The following RAB3GAP2 variants were observed in gnomAD, a reference collection of about 807,000 sequenced individuals.
The protein encoded by RAB3GAP2 is RAB3 GTPase activating non-catalytic protein subunit 2.
RAB3GAP2 carries 87 observed loss-of-function variants against 185.3 expected under a neutral mutation model. The observed-to-expected ratio is 0.47, with a 90% confidence interval of 0.39 to 0.56. RAB3GAP2 has a LOEUF of 0.56. Ranked by LOEUF, RAB3GAP2 falls within the 20% of genes least tolerant of loss-of-function variation. The pLI is 0.00. For missense variants in RAB3GAP2, 1,492 were observed against 1,638.2 expected, an observed-to-expected ratio of 0.91 and a Z score of 1.54; for synonymous variants, 554 against 576.1, an observed-to-expected ratio of 0.96 and a Z score of 0.55.
At chr1:220,249,978 C>T (rs1291447086) in intron 1 of RAB3GAP2, among the ~76,000 whole-genome samples, 2 of 152,194 alleles carry the variant, frequency 1.3e-5, no homozygotes, top group African/African-American at 4.8e-5. Context: ...AATGGAGAAC[C>T]TTTGCTAGGG....
chr1:220,229,178 C>G (rs1659454787), intron 2 of RAB3GAP2, among the ~76,000 whole-genome samples: 1 of 151,938 alleles, frequency 6.6e-6, no homozygotes, highest in African/African-American at 2.4e-5. Flanking sequence ...AGTGGCACAT[C>G]AAAATGAAAT....
chr1:220,212,438 TAGGA>T (rs1194686798), intron 4 of RAB3GAP2, among the ~76,000 whole-genome samples: 1 of 152,170 alleles, frequency 6.6e-6, no homozygotes, highest in East Asian at 1.9e-4. Context: ...CCTATAAAGT[TAGGA>T]TACATATACA....
chr1:220,238,435 C>T (rs1659634473), intron 1 of RAB3GAP2, among the ~76,000 whole-genome samples: 1 of 152,192 alleles, frequency 6.6e-6, no homozygotes, highest in Non-Finnish European at 1.5e-5. Flanking sequence ...CCAGTTTTAC[C>T]TTCTAAAGAG....
rs376662797 is a variant in RAB3GAP2, at chr1:220,204,216, T to C, written c.712+1691A>G. 5.3e-5 allele frequency among the ~76,000 whole-genome samples: 8 copies of C among 152,302 alleles called. No individual in the cohort carries two copies. In the East Asian group the frequency reaches 1.2e-3, roughly 22 times the overall value. On this transcript the variant is annotated intron_variant, in intron 8 of 34. Coordinates refer to ENST00000358951, the MANE Select transcript of RAB3GAP2 (RefSeq NM_012414.4). ...CTCTGTCTTTTTTAGCAGGTTGGTA[T>C]GATTGGCAAAAATTCTGATGTCTTG...
chr1:220,271,959 G>T (rs1660343098), intron 1 of RAB3GAP2, among the ~76,000 whole-genome samples: 1 of 151,474 alleles, frequency 6.6e-6, no homozygotes, highest in South Asian at 2.1e-4. Context: ...GCGGTGATAG[G>T]CAGAGGCGAG....
intron 21 of RAB3GAP2, among the ~76,000 whole-genome samples, chr1:220,175,253 G>A (rs185436497): frequency 1.3e-5 from 2 of 151,716 alleles, no homozygotes; most frequent in East Asian, 1.9e-4. Context: ...TTGAGACAGA[G>A]TCTCACTCTG....
intron 31 of RAB3GAP2, among the ~76,000 whole-genome samples, chr1:220,155,954 CTT>C (rs548137265): frequency 1.5e-4 from 22 of 144,466 alleles, no homozygotes; most frequent in Admixed American, 4.9e-4. Context: ...AAAATCTATA[CTT>C]TTTTTTTTTT....
chr1:220,193,919 G>T (rs1658672887), intron 12 of RAB3GAP2, among the ~76,000 whole-genome samples: 1 of 152,116 alleles, frequency 6.6e-6, no homozygotes, highest in African/African-American at 2.4e-5. Flanking sequence ...AACTAGGAAA[G>T]CTCATTTAGA....
At chr1:220,181,435 A>G (rs1571886207) in intron 21 of RAB3GAP2, among the ~76,000 whole-genome samples, 5 of 152,286 alleles carry the variant, frequency 3.3e-5, no homozygotes, top group Admixed American at 3.3e-4. Context: ...AACAAAGAAG[A>G]ACAAGGAAGA....
rs1330095695 is a variant in RAB3GAP2, at chr1:220,211,015, A to T, written c.387-13T>A. 1 of 1,611,524 alleles carries T rather than the reference A, an allele frequency of 6.2e-7. No homozygotes were observed. The highest frequency in any genetic ancestry group is 1.7e-5 in the Admixed American group (1 of 59,964). The stretch of plus-strand genomic sequence containing the variant: ...GGTTACACATTCCCTAAAAACAAAA[A>T]CAAAATCATATGCTTACCCACTGAA... On this transcript the variant is annotated splice_polypyrimidine_tract_variant and intron_variant, in intron 4 of 34. Transcript: ENST00000358951.
chr1:220,215,300 C>T (rs1265979354), intron 2 of RAB3GAP2, among the ~76,000 whole-genome samples: 1 of 152,202 alleles, frequency 6.6e-6, no homozygotes, highest in African/African-American at 2.4e-5. Context: ...CTGTGCCCCA[C>T]ACATGTTGTA....
chr1:220,206,124 G>A, intron 7 of RAB3GAP2, 118 bp from the exon 8 acceptor site: 1 of 665,896 alleles, frequency 1.5e-6, no homozygotes, highest in Non-Finnish European at 2.6e-6. Context: ...AGCAATATCA[G>A]GCAGAAGAAC....
intron 27 of RAB3GAP2, among the ~76,000 whole-genome samples, chr1:220,163,628 T>C (rs1195730015): frequency 5.3e-5 from 8 of 150,968 alleles, no homozygotes; most frequent in Non-Finnish European, 8.9e-5. Flanking sequence ...TCCCAAAGTG[T>C]TGGGATTACA....
At chr1:220,200,772 T>A (rs1391029048) in intron 9 of RAB3GAP2, 2 of 383,818 alleles carry the variant, frequency 5.2e-6, no homozygotes. Context: ...AGCTATGCAG[T>A]AAATAGAAAG....
chr1:220,222,212 TTTTC>T (rs1659321247), intron 2 of RAB3GAP2, among the ~76,000 whole-genome samples: 1 of 152,214 alleles, frequency 6.6e-6, no homozygotes, highest in Admixed American at 6.5e-5. Context: ...ACTAAGGATT[TTTTC>T]TTTTTTTTTC....
Position 220,213,942 on chromosome 1 carries a change from G to T in RAB3GAP2, c.218C>A (p.Ser73Tyr), listed in dbSNP as rs764594200. ...GGATAAAACACAATCTTGGAGCCAG[G>T]AAGTTTTTTGTGTTTTGCAAGTATT... Reference protein sequence around the residue: ...EGNTCKTQKTSWLQDCVLSLS... With the variant: ...EGNTCKTQKTYWLQDCVLSLS... Residue 73 changes from serine (S) to tyrosine (Y), a missense_variant, in exon 3 of 35, where the codon TCC becomes TAC. Transcript: ENST00000358951. 2 of 1,613,244 alleles carry T rather than the reference G, an allele frequency of 1.2e-6. No homozygotes were observed. Among genetic ancestry groups the T allele is most frequent in the South Asian group, 2.2e-5 (2 of 91,056 alleles).
At chr1:220,223,338 C>G (rs1410576753) in intron 2 of RAB3GAP2, among the ~76,000 whole-genome samples, 1 of 152,076 alleles carries the variant, frequency 6.6e-6, no homozygotes, top group Non-Finnish European at 1.5e-5. Flanking sequence ...AGAAATAACT[C>G]TCACTCAATA....
intron 1 of RAB3GAP2, among the ~76,000 whole-genome samples, chr1:220,268,383 C>T (rs1660268787): frequency 6.6e-6 from 1 of 152,168 alleles, no homozygotes; most frequent in Non-Finnish European, 1.5e-5. Context: ...TTGAAAATAT[C>T]TCATGTAATT....
chr1:220,203,421 AAAGAT>A (rs1440531719), intron 8 of RAB3GAP2, among the ~76,000 whole-genome samples: 1 of 152,250 alleles, frequency 6.6e-6, no homozygotes, highest in African/African-American at 2.4e-5. Context: ...ACGGCCAAGA[AAAGAT>A]AATTTTCTTA....
Sources: allele counts gnomAD v4.1 joint callset (sites outside exome capture counted in the v4.1 genomes callset), GRCh38; gene constraint gnomAD v4.1.1; transcripts MANE v1.5; gene names NCBI Gene and HGNC (gene_info 2026-07-23, HGNC 2026-07-21).